The following SLCO3A1 variants were observed in gnomAD, a reference collection of about 807,000 sequenced individuals.
SLCO3A1 encodes solute carrier organic anion transporter family member 3A1.
SLCO3A1 carries 27 observed loss-of-function variants against 63.1 expected under a neutral mutation model. The ratio of observed to expected loss-of-function variants is 0.43; its 90% CI spans 0.32 to 0.59. The LOEUF is 0.59. Among genes scored for constraint, SLCO3A1 ranks in the 20% least tolerant of loss-of-function variants. SLCO3A1 has a pLI of 0.09. For synonymous variants in SLCO3A1, 473 were observed against 409.9 expected (o/e 1.15, Z -1.86); for missense variants, 773 against 945.8 (o/e 0.82, Z 2.40).
chr15:92,083,238 A>G (rs372189230), intron 2 of SLCO3A1, among the ~76,000 whole-genome samples: 44 of 152,184 alleles, frequency 2.9e-4, no homozygotes, highest in African/African-American at 1.0e-3. Flanking sequence ...AGATTCCTCT[A>G]AAGAAAACCT....
At chr15:91,923,849 A>G (rs1898926073) in intron 2 of SLCO3A1, among the ~76,000 whole-genome samples, 1 of 152,220 alleles carries the variant, frequency 6.6e-6, no homozygotes, top group Admixed American at 6.5e-5. Flanking sequence ...CCTGGGTCAT[A>G]AACAATATAC....
intron 2 of SLCO3A1, among the ~76,000 whole-genome samples, chr15:91,926,052 A>ATT (rs910420038): frequency 6.6e-6 from 1 of 152,206 alleles, no homozygotes; most frequent in Non-Finnish European, 1.5e-5. Flanking sequence ...CAAGTAAGGC[A>ATT]TTTGTTCTCT....
rs772877556 is a variant in SLCO3A1, at chr15:91,950,237, G to T, written c.646+33779G>T. ...GGAGTCTGCATGCTCAGGGCTGCCT[G>T]CTGTGGCCAGAGATTCGGGTGTGTG... On this transcript the variant is annotated intron_variant, in intron 2 of 9. Coordinates refer to ENST00000318445, the MANE Select transcript of SLCO3A1 (RefSeq NM_013272.4). The surrounding 1 kb of genome is among the most constrained non-coding windows in gnomAD (Gnocchi z 4.4). Among the ~76,000 whole-genome samples, 2 of 152,238 alleles carry T rather than the reference G, an allele frequency of 1.3e-5. No homozygotes were observed. The highest frequency in any genetic ancestry group is 2.9e-5 in the Non-Finnish European group (2 of 68,040).
intron 2 of SLCO3A1, among the ~76,000 whole-genome samples, chr15:91,946,215 C>T (rs539028171): frequency 1.3e-5 from 2 of 152,296 alleles, no homozygotes; most frequent in African/African-American, 2.4e-5. Context: ...ATTAGGGCAG[C>T]GTCTTCTCTG....
chr15:92,113,028 T>C (rs182302074), intron 4 of SLCO3A1, among the ~76,000 whole-genome samples: 52 of 152,244 alleles, frequency 3.4e-4, no homozygotes, highest in African/African-American at 1.2e-3. Context: ...TGGCCTGGAG[T>C]AGTGAAAGCA....
At chr15:92,004,039 C>T (rs1055297913) in intron 2 of SLCO3A1, among the ~76,000 whole-genome samples, 17 of 151,970 alleles carry the variant, frequency 1.1e-4, no homozygotes, top group South Asian at 2.1e-4. Context: ...GTATGTGGTA[C>T]GTGGACCGTC....
intron 2 of SLCO3A1, among the ~76,000 whole-genome samples, chr15:91,940,456 C>T (rs188391863): frequency 1.4e-4 from 22 of 152,298 alleles, no homozygotes; most frequent in Admixed American, 7.8e-4. Flanking sequence ...GCCACTGACT[C>T]CAGACCCAGG....
At chr15:92,084,464 C>T (rs2047382458) in intron 2 of SLCO3A1, among the ~76,000 whole-genome samples, 1 of 152,176 alleles carries the variant, frequency 6.6e-6, no homozygotes, top group Non-Finnish European at 1.5e-5. Context: ...AGCATTTGTA[C>T]CATGCTCACA....
chr15:91,934,187 C>A (rs1899327759), intron 2 of SLCO3A1, among the ~76,000 whole-genome samples: 1 of 152,020 alleles, frequency 6.6e-6, no homozygotes, highest in Non-Finnish European at 1.5e-5. Flanking sequence ...ATGGTGAGGA[C>A]CAGGTGGATG....
intron 9 of SLCO3A1, among the ~76,000 whole-genome samples, chr15:92,154,597 C>G (rs751844755): frequency 6.6e-6 from 1 of 152,118 alleles, no homozygotes; most frequent in Admixed American, 6.5e-5. Flanking sequence ...ACCCTCTTTC[C>G]AGACACTTGG....
At chr15:91,964,749 T>A (rs1042067245) in intron 2 of SLCO3A1, among the ~76,000 whole-genome samples, 12 of 152,092 alleles carry the variant, frequency 7.9e-5, no homozygotes, top group Non-Finnish European at 1.6e-4. Flanking sequence ...GATAGTTTTT[T>A]TTTTTTTAAT....
Position 92,164,904 on chromosome 15 carries a change from C to T in SLCO3A1, c.*1769C>T. The T allele has an allele frequency of 1.0e-6, 1 of 985,404 alleles. No homozygotes were observed. 61.0% of individuals were successfully genotyped at this position (985,404 alleles called of 1,614,324 possible). On this transcript the variant is annotated 3_prime_UTR_variant, in exon 10 of 10. Transcript: ENST00000318445. The stretch of plus-strand genomic sequence containing the variant: ...AACAAAGGGCCCTGCTAACTTACTC[C>T]TCATGCTGCTTCAGTGACCTTTGTT...
chr15:92,078,375 CCT>C (rs1173248316), intron 2 of SLCO3A1, among the ~76,000 whole-genome samples: 1 of 152,214 alleles, frequency 6.6e-6, no homozygotes, highest in East Asian at 1.9e-4. Context: ...CAGGTGTCTC[CCT>C]GAGGCCACAT....
chr15:91,979,438 A>AT (rs1434296888), intron 2 of SLCO3A1, among the ~76,000 whole-genome samples: 1 of 152,210 alleles, frequency 6.6e-6, no homozygotes, highest in Non-Finnish European at 1.5e-5. Context: ...AAAGTTTCAG[A>AT]TTTTGGAGCA....
chr15:92,044,887 G>C (rs753246975), intron 2 of SLCO3A1, among the ~76,000 whole-genome samples: 23 of 152,256 alleles, frequency 1.5e-4, no homozygotes, highest in Non-Finnish European at 3.1e-4. Context: ...CACCTGCTCT[G>C]TGGTTCCATC....
chr15:92,155,785 T>C (rs2048363455), intron 9 of SLCO3A1, among the ~76,000 whole-genome samples: 1 of 152,148 alleles, frequency 6.6e-6, no homozygotes, highest in South Asian at 2.1e-4. Flanking sequence ...AAGCTCAAGA[T>C]GAGGCTGAGG....
At chr15:92,014,325 C>T (rs952964779) in intron 2 of SLCO3A1, among the ~76,000 whole-genome samples, 1 of 152,028 alleles carries the variant, frequency 6.6e-6, no homozygotes, top group Non-Finnish European at 1.5e-5. Context: ...AGATGTGAAG[C>T]GTGGGTGGCA....
intron 2 of SLCO3A1, among the ~76,000 whole-genome samples, chr15:91,983,000 G>A (rs2046006916): frequency 6.6e-6 from 1 of 152,258 alleles, no homozygotes; most frequent in Admixed American, 6.5e-5. Context: ...CTTGGGCTAT[G>A]GGAGCAGCAG....
chr15:92,078,295 T>C (rs191699007), intron 2 of SLCO3A1, among the ~76,000 whole-genome samples: 451 of 152,338 alleles, frequency 3.0e-3, no homozygotes, highest in Non-Finnish European at 4.0e-3. Flanking sequence ...ACTTGGGTCT[T>C]GCCCTTGAGG....
Sources: gnomAD v4.1 joint callset for allele counts (sites outside exome capture counted in the v4.1 genomes callset) on GRCh38, gnomAD v4.1.1 for gene constraint, Gnocchi (gnomAD v3.1) non-coding constraint, MANE v1.5 for transcripts, NCBI Gene and HGNC (gene_info 2026-07-23, HGNC 2026-07-21) for gene names.